The following DIAPH2 variants were observed in gnomAD, a reference collection of about 807,000 sequenced individuals.
The protein encoded by DIAPH2 is diaphanous related formin 2.
DIAPH2 carries 35 observed loss-of-function variants against 92.7 expected under a neutral mutation model. The observed-to-expected ratio is 0.38, with a 90% CI of 0.29 to 0.50. DIAPH2 has a LOEUF of 0.50. Among genes scored for constraint, DIAPH2 ranks in the 20% least tolerant of loss-of-function variants. The pLI, the probability that DIAPH2 is intolerant of heterozygous loss-of-function variation, is 0.94. For missense variants in DIAPH2, 701 were observed against 819.5 expected (o/e 0.86, Z 1.77); for synonymous variants, 301 against 280.4 (o/e 1.07, Z -0.73).
At chrX:97,135,858 C>A (rs1354495680) in intron 21 of DIAPH2, among the ~76,000 whole-genome samples, 3 of 111,604 alleles carry the variant, frequency 2.7e-5, no homozygotes, top group Non-Finnish European at 3.8e-5. Flanking sequence ...GTTCTCCTAC[C>A]CCTTAAAAGA....
chrX:97,358,408 C>T (rs5921800), intron 24 of DIAPH2, among the ~76,000 whole-genome samples: 2,605 of 110,797 alleles, frequency 0.024, 28 homozygotes, highest in Middle Eastern at 0.037. Context: ...GACAGGAGAG[C>T]CTCCCACAAT....
chrX:97,107,494 T>G (rs954646560), intron 20 of DIAPH2, among the ~76,000 whole-genome samples: 1 of 112,061 alleles, frequency 8.9e-6, no homozygotes, highest in African/African-American at 3.3e-5. Flanking sequence ...GGTTCTGCCC[T>G]GGAGGAGGTT....
intron 23 of DIAPH2, among the ~76,000 whole-genome samples, chrX:97,304,094 G>A (rs1439382253): frequency 8.9e-6 from 1 of 111,802 alleles, no homozygotes; most frequent in Non-Finnish European, 1.9e-5. Flanking sequence ...TGTTGAATGT[G>A]GGAAATAGAC....
chrX:97,124,151 G>C (rs2067075996), intron 21 of DIAPH2, among the ~76,000 whole-genome samples: 1 of 111,977 alleles, frequency 8.9e-6, no homozygotes, highest in Non-Finnish European at 1.9e-5. Context: ...TTACAGCAGA[G>C]GGAAAAATAT....
At chrX:97,415,137 T>C (rs1165713838) in intron 25 of DIAPH2, among the ~76,000 whole-genome samples, 25 of 111,898 alleles carry the variant, frequency 2.2e-4, no homozygotes, top group Non-Finnish European at 1.9e-5. Context: ...GAAATGCAAA[T>C]CAGAACCACA....
At chrX:96,924,033 T>C (rs762622235) in intron 9 of DIAPH2, among the ~76,000 whole-genome samples, 5 of 111,715 alleles carry the variant, frequency 4.5e-5, no homozygotes, top group African/African-American at 1.3e-4. Flanking sequence ...GGTTCTTGAG[T>C]GTTGAGATTT....
intron 26 of DIAPH2, among the ~76,000 whole-genome samples, chrX:97,514,574 A>T (rs200094638): frequency 1.8e-5 from 2 of 110,701 alleles, no homozygotes; most frequent in Non-Finnish European, 1.9e-5. Context: ...CCTTTGGAGG[A>T]GGAGAGGCGC....
intron 9 of DIAPH2, among the ~76,000 whole-genome samples, chrX:96,927,488 G>T (rs1332185375): frequency 9.0e-6 from 1 of 110,544 alleles, no homozygotes; most frequent in African/African-American, 3.3e-5. Flanking sequence ...AAAATCTCCA[G>T]TGTAGTGCTA....
intron 4 of DIAPH2, among the ~76,000 whole-genome samples, chrX:96,847,120 A>G (rs2064977625): frequency 8.9e-6 from 1 of 111,735 alleles, no homozygotes; most frequent in South Asian, 3.8e-4. Context: ...GACAAACTAT[A>G]AGGAAAACTT....
At chrX:97,057,476 G>A (rs980181071) in intron 17 of DIAPH2, among the ~76,000 whole-genome samples, 10 of 111,511 alleles carry the variant, frequency 9.0e-5, no homozygotes, top group African/African-American at 2.0e-4. Flanking sequence ...ACCTGTTGTC[G>A]TATTGGCAGG....
intron 5 of DIAPH2, among the ~76,000 whole-genome samples, chrX:96,885,890 T>G (rs1359311289): frequency 8.9e-6 from 1 of 111,782 alleles, no homozygotes. Flanking sequence ...GTTTTATGTA[T>G]AAAAAGGTAA....
chrX:96,956,293 A>G (rs1404960240), intron 15 of DIAPH2, among the ~76,000 whole-genome samples: 1 of 111,351 alleles, frequency 9.0e-6, no homozygotes, highest in East Asian at 2.9e-4. Context: ...CACCAAAGAG[A>G]CTGCACACAG....
chrX:97,151,685 A>G (rs2067287166), intron 22 of DIAPH2, among the ~76,000 whole-genome samples: 1 of 111,794 alleles, frequency 8.9e-6, no homozygotes, highest in South Asian at 3.8e-4. Flanking sequence ...ATTCACCAAT[A>G]ACCTGTCGCT....
At chrX:97,313,492 TTATTA>T (rs1374857526) in intron 23 of DIAPH2, among the ~76,000 whole-genome samples, 1 of 112,369 alleles carries the variant, frequency 8.9e-6, no homozygotes, top group African/African-American at 3.2e-5. Context: ...TTTCTTCATT[TTATTA>T]TATTCTTTCA....
intron 23 of DIAPH2, among the ~76,000 whole-genome samples, chrX:97,292,899 A>G (rs1157534599): frequency 2.7e-5 from 3 of 111,603 alleles, no homozygotes; most frequent in South Asian, 3.7e-4. Context: ...AAACTAAATA[A>G]TAGCCATTTG....
At chrX:96,911,495 C>T (rs890672695) in intron 5 of DIAPH2, among the ~76,000 whole-genome samples, 3 of 111,331 alleles carry the variant, frequency 2.7e-5, no homozygotes, top group Admixed American at 1.9e-4. Flanking sequence ...TACTCAGCTC[C>T]TGCCACATGG....
chrX:97,475,029 G>A (rs2070593141), intron 26 of DIAPH2, among the ~76,000 whole-genome samples: 1 of 108,853 alleles, frequency 9.2e-6, no homozygotes, highest in Non-Finnish European at 1.9e-5. Flanking sequence ...AATTAAATAT[G>A]AGATAATTAA....
intron 26 of DIAPH2, among the ~76,000 whole-genome samples, chrX:97,498,078 C>A (rs1041114839): frequency 3.6e-5 from 4 of 111,525 alleles, no homozygotes; most frequent in Non-Finnish European, 7.5e-5. Flanking sequence ...TATTGACCAC[C>A]CTGCTGGTAG....
intron 23 of DIAPH2, among the ~76,000 whole-genome samples, chrX:97,298,703 C>T (rs1169050614): frequency 9.3e-6 from 1 of 107,250 alleles, no homozygotes; most frequent in Non-Finnish European, 1.9e-5. Flanking sequence ...CAAGCTCCGC[C>T]TCCCGGGTTC....
Sources: allele counts gnomAD v4.1 joint callset (sites outside exome capture counted in the v4.1 genomes callset), GRCh38; gene constraint gnomAD v4.1.1; transcripts MANE v1.5; gene names NCBI Gene and HGNC (gene_info 2026-07-23, HGNC 2026-07-21).